MELK: variants seen among roughly 807,000 people sequenced by gnomAD.
MELK encodes pEg3 kinase.
A neutral mutation model predicts 85.0 loss-of-function variants in MELK; 81 were observed. The ratio of observed to expected loss-of-function variants is 0.95; its 90% confidence interval spans 0.80 to 1.15. The LOEUF is 1.15. Ranked by LOEUF, MELK falls within the 50% of genes most tolerant of loss-of-function variation. The pLI is 0.00. For synonymous variants in MELK, 252 were observed against 265.0 expected (o/e 0.95, Z 0.48); for missense variants, 754 against 777.5 (o/e 0.97, Z 0.36).
rs1204879212 is a variant in MELK, at chr9:36,598,896, G to C, written c.475-498G>C. On this transcript the variant is annotated intron_variant, in intron 6 of 17. Transcript: ENST00000298048. Reference sequence around the variant, plus strand: ...GGTGTTGGGAATCCAGAGAAGCAGAGACCACACGTGCATGCACACATGTAT... The same window carrying C: ...GGTGTTGGGAATCCAGAGAAGCAGACACCACACGTGCATGCACACATGTAT... Among the ~76,000 whole-genome samples the C allele has an allele frequency of 7.2e-5, 11 of 152,326 alleles. No homozygotes were observed. The East Asian group carries it at 2.1e-3, about 29-fold the overall frequency.
chr9:36,671,038 G>C lies in MELK; in HGVS notation c.1546G>C (p.Glu516Gln). ...VELDLNQAHM[E>Q]ETPKRKGAKV... ...ATTGGATCTCAACCAAGCACATATGGAGGAGACTCCAAAAAGAAAGGGAGC... is the reference window on the plus strand; with the variant it reads ...ATTGGATCTCAACCAAGCACATATGCAGGAGACTCCAAAAAGAAAGGGAGC... The change falls in exon 16 of 18, where the codon GAG (glutamate) becomes CAG (glutamine). Residue 516 changes from glutamate to glutamine, a missense_variant. Glu to Gln is a conservative substitution (Grantham distance 29, BLOSUM62 2). Transcript: ENST00000298048. The C allele has an allele frequency of 6.2e-7, 1 of 1,613,506 alleles. No individual in the cohort carries two copies. The highest frequency in any genetic ancestry group is 8.5e-7 in the Non-Finnish European group (1 of 1,179,718).
In MELK at chr9:36,657,374, C is replaced by G; in HGVS notation, c.1176+11C>G. On this transcript the variant is annotated intron_variant, in intron 13 of 17. Transcript: ENST00000298048. ...CCCCGAACATCACAGGTTCGTCATT[C>G]TTATTACTATTTAAGGCAGAATCTA... The G allele has an allele frequency of 1.3e-6, 2 of 1,596,272 alleles. No individual in the cohort carries two copies. Among genetic ancestry groups the G allele is most frequent in the Non-Finnish European group, 1.7e-6 (2 of 1,174,306 alleles).
intron 2 of MELK, among the ~76,000 whole-genome samples, chr9:36,583,413 G>A (rs1188960704): frequency 7.4e-6 from 1 of 135,456 alleles, no homozygotes; most frequent in Admixed American, 7.6e-5. Context: ...AGTGAGTTCT[G>A]TTTTTTTTTT....
intron 8 of MELK, among the ~76,000 whole-genome samples, chr9:36,611,269 C>T (rs145951875): frequency 2.0e-5 from 3 of 152,262 alleles, no homozygotes; most frequent in Non-Finnish European, 4.4e-5. Context: ...TGGTGTAACA[C>T]GGAATATTAC....
intron 1 of MELK, 127 bp from the exon 2 acceptor site, chr9:36,581,517 A>G: frequency 3.9e-6 from 2 of 515,540 alleles, no homozygotes; most frequent in East Asian, 6.8e-5. Context: ...TTTTTTTCAT[A>G]TGGCCAATAA....
chr9:36,584,719 C>G (rs1200714760), intron 3 of MELK, among the ~76,000 whole-genome samples: 3 of 129,766 alleles, frequency 2.3e-5, no homozygotes, highest in Non-Finnish European at 4.9e-5. Context: ...TATGTCCTAG[C>G]TTTTTTTTTT....
Position 36,600,332 on chromosome 9 carries a change from C to T in MELK, c.567+846C>T, listed in dbSNP as rs1024717072. On this transcript the variant is annotated intron_variant, in intron 7 of 17. Transcript: ENST00000298048. Reference sequence around the variant, plus strand: ...TTCAAACTCCTGACCTCAAATGATTCACCCACCTCAGCCTCCCAATTATAG... The same window carrying T: ...TTCAAACTCCTGACCTCAAATGATTTACCCACCTCAGCCTCCCAATTATAG... Among the ~76,000 whole-genome samples the T allele has an allele frequency of 2.6e-5, 4 of 151,900 alleles. No homozygotes were observed. In the East Asian group the frequency reaches 7.7e-4, roughly 29 times the overall value.
intron 5 of MELK, among the ~76,000 whole-genome samples, chr9:36,595,184 G>A (rs1383172274): frequency 6.7e-6 from 1 of 150,092 alleles, no homozygotes; most frequent in Non-Finnish European, 1.5e-5. Context: ...CGCCCAGGCT[G>A]GAGTGCAGTG....
chr9:36,643,475 T>C lies in MELK; in HGVS notation c.921+392T>C, dbSNP rs527354624. Among the ~76,000 whole-genome samples, 8 of 152,326 alleles carry C rather than the reference T, an allele frequency of 5.3e-5. No individual in the cohort carries two copies. In the South Asian group the frequency reaches 1.7e-3, roughly 32 times the overall value. On this transcript the variant is annotated intron_variant, in intron 11 of 17. Transcript: ENST00000298048. ...TATTTTATCAGTACATGAAAAATAG[T>C]ATAGCATTTTCAGACCTGTGATTTT...
At chr9:36,621,066 C>T (rs1484933004) in intron 8 of MELK, among the ~76,000 whole-genome samples, 3 of 151,326 alleles carry the variant, frequency 2.0e-5, no homozygotes, top group East Asian at 2.0e-4. Context: ...GTCAGGAGCT[C>T]GAAATCAGCC....
chr9:36,670,527 T>G (rs1188457760), intron 15 of MELK, among the ~76,000 whole-genome samples: 1 of 151,788 alleles, frequency 6.6e-6, no homozygotes, highest in Non-Finnish European at 1.5e-5. Flanking sequence ...TAAGTAAATT[T>G]AATGTATTAT....
chr9:36,638,593 A>C (rs2136783290), intron 10 of MELK, among the ~76,000 whole-genome samples: 1 of 152,210 alleles, frequency 6.6e-6, no homozygotes, highest in South Asian at 2.1e-4. Flanking sequence ...CCTCCCTTAC[A>C]TCTTAATTTA....
intron 7 of MELK, among the ~76,000 whole-genome samples, chr9:36,605,672 G>A (rs1271573730): frequency 4.0e-5 from 6 of 151,728 alleles, no homozygotes; most frequent in African/African-American, 9.7e-5. Flanking sequence ...CACTTGAGAC[G>A]TCATAGTAGA....
chr9:36,648,590 G>T (rs1234047970), intron 11 of MELK, among the ~76,000 whole-genome samples: 2 of 152,230 alleles, frequency 1.3e-5, no homozygotes, highest in African/African-American at 4.8e-5. Flanking sequence ...ATATTGAACA[G>T]TGCACCACCA....
intron 5 of MELK, 60 bp from the exon 6 acceptor site, chr9:36,597,162 A>AGGTG (rs1564139839): frequency 7.1e-7 from 1 of 1,408,596 alleles, no homozygotes; most frequent in Non-Finnish European, 1.0e-6. Context: ...AAATGGCTAG[A>AGGTG]GGTGGGATGT....
intron 8 of MELK, among the ~76,000 whole-genome samples, chr9:36,618,405 C>T (rs77878196): frequency 1.5e-5 from 1 of 68,798 alleles, no homozygotes; most frequent in Non-Finnish European, 3.3e-5. Context: ...AGAGGCTCCT[C>T]AAAAAAAAAA....
intron 14 of MELK, among the ~76,000 whole-genome samples, chr9:36,667,102 G>A (rs1446341936): frequency 6.6e-6 from 1 of 151,744 alleles, no homozygotes; most frequent in Non-Finnish European, 1.5e-5. Flanking sequence ...GAGATAAAAC[G>A]GACCTCAGCT....
At chr9:36,598,813 G>A (rs1170012196) in intron 6 of MELK, among the ~76,000 whole-genome samples, 1 of 152,148 alleles carries the variant, frequency 6.6e-6, no homozygotes, top group Non-Finnish European at 1.5e-5. Flanking sequence ...ATTTAGGGAA[G>A]TATGAACCTG....
intron 8 of MELK, among the ~76,000 whole-genome samples, chr9:36,628,930 G>A (rs534015614): frequency 1.6e-4 from 23 of 141,808 alleles, no homozygotes; most frequent in African/African-American, 7.9e-5. Flanking sequence ...GCAGTGACAC[G>A]ATCTGGGCTC....
Sources: gnomAD v4.1 joint callset for allele counts (sites outside exome capture counted in the v4.1 genomes callset) on GRCh38, gnomAD v4.1.1 for gene constraint, MANE v1.5 for transcripts, NCBI Gene and HGNC (gene_info 2026-07-23, HGNC 2026-07-21) for gene names.